The following ANKS1B variants were observed in gnomAD, a reference collection of about 807,000 sequenced individuals.
ANKS1B encodes ankyrin repeat and sterile alpha motif domain-containing protein 1B.
In ANKS1B, 36 loss-of-function variants were observed where a neutral mutation model predicts 148.3. The ratio of observed to expected loss-of-function variants is 0.24; its 90% CI spans 0.19 to 0.32. The LOEUF is 0.32. ANKS1B is among the 10% of genes least tolerant of loss of function. ANKS1B has a pLI of 1.00. For synonymous variants in ANKS1B, 542 were observed against 560.8 expected (o/e 0.97, Z 0.47); for missense variants, 1,157 against 1,542.6 (o/e 0.75, Z 4.19).
intron 12 of ANKS1B, among the ~76,000 whole-genome samples, chr12:99,356,932 T>C (rs902665159): frequency 1.6e-5 from 2 of 121,316 alleles, no homozygotes; most frequent in Non-Finnish European, 3.9e-5. Flanking sequence ...CATATTCTTC[T>C]AGACTTTTTT....
intron 17 of ANKS1B, among the ~76,000 whole-genome samples, chr12:98,915,769 T>G (rs1333958459): frequency 6.6e-6 from 1 of 152,126 alleles, no homozygotes; most frequent in Non-Finnish European, 1.5e-5. Flanking sequence ...AATAAACAAG[T>G]GAATTAATCC....
At chr12:99,204,668 G>C (rs1413979095) in intron 14 of ANKS1B, among the ~76,000 whole-genome samples, 3 of 152,178 alleles carry the variant, frequency 2.0e-5, no homozygotes, top group African/African-American at 7.2e-5. Flanking sequence ...CTGCATGTCT[G>C]TTTTGACGAT....
chr12:99,460,830 G>A (rs1440797372), intron 10 of ANKS1B, among the ~76,000 whole-genome samples: 3 of 151,940 alleles, frequency 2.0e-5, no homozygotes, highest in Non-Finnish European at 4.4e-5. Context: ...ACTGAAAACA[G>A]TGTGGAGATT....
intron 19 of ANKS1B, among the ~76,000 whole-genome samples, chr12:98,813,271 G>A (rs2099112404): frequency 6.6e-6 from 1 of 151,414 alleles, no homozygotes; most frequent in South Asian, 2.1e-4. Context: ...GAGTGCAGTG[G>A]TGCAACCATG....
At chr12:98,749,928 T>C (rs987631549) in intron 26 of ANKS1B, among the ~76,000 whole-genome samples, 2 of 152,054 alleles carry the variant, frequency 1.3e-5, no homozygotes, top group African/African-American at 4.8e-5. Flanking sequence ...ATGGGCTGGA[T>C]ACAGAGGTAA....
intron 9 of ANKS1B, among the ~76,000 whole-genome samples, chr12:99,511,643 C>A (rs1391030436): frequency 2.0e-5 from 3 of 151,944 alleles, no homozygotes; most frequent in Non-Finnish European, 4.4e-5. Context: ...GGAGGCATCA[C>A]GCTACCTGAC....
At chr12:98,771,822 C>T (rs1207907945) in intron 25 of ANKS1B, among the ~76,000 whole-genome samples, 1 of 152,086 alleles carries the variant, frequency 6.6e-6, no homozygotes, top group Non-Finnish European at 1.5e-5. Context: ...TCTTGGAGTT[C>T]CCAATTACCA....
At chr12:99,722,824 T>C (rs1415096105) in intron 8 of ANKS1B, among the ~76,000 whole-genome samples, 1 of 152,148 alleles carries the variant, frequency 6.6e-6, no homozygotes, top group Admixed American at 6.5e-5. Flanking sequence ...GCAACTGAGG[T>C]ATCCAGGTTC....
chr12:98,904,455 G>T (rs1025384314), intron 17 of ANKS1B, among the ~76,000 whole-genome samples: 3 of 152,232 alleles, frequency 2.0e-5, no homozygotes, highest in Non-Finnish European at 4.4e-5. Flanking sequence ...ACTGAATCTG[G>T]TTTAGTGTTA....
intron 14 of ANKS1B, among the ~76,000 whole-genome samples, chr12:99,211,863 C>A (rs537746499): frequency 1.3e-5 from 2 of 152,150 alleles, no homozygotes; most frequent in Non-Finnish European, 2.9e-5. Context: ...GCAACCCAAG[C>A]AGACAGTTTC....
chr12:99,527,177 T>C (rs958312955), intron 9 of ANKS1B, among the ~76,000 whole-genome samples: 45 of 152,164 alleles, frequency 3.0e-4, no homozygotes, highest in African/African-American at 1.0e-3. Context: ...TACTTTCTTA[T>C]GGAAACCCTA....
chr12:99,569,235 T>G (rs911408212), intron 9 of ANKS1B, among the ~76,000 whole-genome samples: 1 of 152,234 alleles, frequency 6.6e-6, no homozygotes, highest in African/African-American at 2.4e-5. Context: ...ATAATGGATG[T>G]GCTGTCTGGA....
intron 15 of ANKS1B, among the ~76,000 whole-genome samples, chr12:99,085,403 G>T (rs1219361956): frequency 6.6e-6 from 1 of 151,844 alleles, no homozygotes; most frequent in East Asian, 1.9e-4. Flanking sequence ...CTTTGTTTCT[G>T]TAAAAATGTG....
chr12:99,083,115 G>C (rs1307721103), intron 16 of ANKS1B, among the ~76,000 whole-genome samples: 1 of 152,186 alleles, frequency 6.6e-6, no homozygotes, highest in Non-Finnish European at 1.5e-5. Flanking sequence ...TTGGCTCAGT[G>C]AATTTGCAAA....
chr12:99,614,204 GT>G (rs2097926085), intron 9 of ANKS1B, among the ~76,000 whole-genome samples: 1 of 151,974 alleles, frequency 6.6e-6, no homozygotes, highest in Non-Finnish European at 1.5e-5. Flanking sequence ...GGAGTCCAAG[GT>G]GGGCAGATCA....
chr12:99,421,388 A>G (rs1192106172), intron 11 of ANKS1B, among the ~76,000 whole-genome samples: 2 of 152,168 alleles, frequency 1.3e-5, no homozygotes, highest in African/African-American at 2.4e-5. Flanking sequence ...TGGAAATTGC[A>G]GTAAGAGCTC....
chr12:98,881,013 A>T (rs934649843), intron 17 of ANKS1B, among the ~76,000 whole-genome samples: 4 of 151,112 alleles, frequency 2.6e-5, no homozygotes, highest in South Asian at 2.1e-4. Context: ...TTTAAAAAAA[A>T]TTTTTTAATG....
At chr12:99,559,320 G>C (rs2153192425) in intron 9 of ANKS1B, among the ~76,000 whole-genome samples, 1 of 152,222 alleles carries the variant, frequency 6.6e-6, no homozygotes, top group Admixed American at 6.5e-5. Context: ...TTTTAAATCA[G>C]TGTTGATTTT....
At chr12:99,506,165 T>C (rs1204344966) in intron 9 of ANKS1B, among the ~76,000 whole-genome samples, 1 of 152,094 alleles carries the variant, frequency 6.6e-6, no homozygotes, top group Non-Finnish European at 1.5e-5. Flanking sequence ...ACTCGTAAGT[T>C]GAACCATCAT....
Sources: allele counts gnomAD v4.1 joint callset (sites outside exome capture counted in the v4.1 genomes callset), GRCh38; gene constraint gnomAD v4.1.1; transcripts MANE v1.5; gene names NCBI Gene and HGNC (gene_info 2026-07-23, HGNC 2026-07-21).